The following HECW1 variants were observed in gnomAD, a reference collection of about 807,000 sequenced individuals.
The protein encoded by HECW1 is E3 ubiquitin-protein ligase HECW1.
A neutral mutation model predicts 182.3 loss-of-function variants in HECW1; 61 were observed. The ratio of observed to expected loss-of-function variants is 0.33; its 90% CI spans 0.27 to 0.41. The LOEUF (loss-of-function observed/expected upper bound fraction) is 0.41, where lower values mean the gene tolerates loss of function less well. Among genes scored for constraint, HECW1 ranks in the 10% least tolerant of loss-of-function variants. The pLI is 1.00. For synonymous variants in HECW1, 859 were observed against 832.6 expected, an observed-to-expected ratio of 1.03 and a Z score of -0.55; for missense variants, 1,739 against 2,108.9, an observed-to-expected ratio of 0.82 and a Z score of 3.44.
At chr7:43,553,421 T>A (rs1416936734) in intron 28 of HECW1, among the ~76,000 whole-genome samples, 1 of 152,160 alleles carries the variant, frequency 6.6e-6, no homozygotes, top group East Asian at 1.9e-4. Context: ...CTCATGCCTG[T>A]AATCCCAGCA....
At chr7:43,182,074 G>A (rs189313035) in intron 2 of HECW1, among the ~76,000 whole-genome samples, 12 of 152,238 alleles carry the variant, frequency 7.9e-5, no homozygotes, top group East Asian at 5.8e-4. Context: ...GTGAGCCACC[G>A]CGCCAGGCCT....
At chr7:43,490,229 A>AT (rs1331834740) in intron 17 of HECW1, among the ~76,000 whole-genome samples, 2 of 152,164 alleles carry the variant, frequency 1.3e-5, no homozygotes, top group South Asian at 2.1e-4. Flanking sequence ...TGGCTAACTG[A>AT]TCAGACCATG....
At chr7:43,297,028 A>G (rs954880520) in intron 3 of HECW1, among the ~76,000 whole-genome samples, 1 of 152,222 alleles carries the variant, frequency 6.6e-6, no homozygotes, top group Non-Finnish European at 1.5e-5. Flanking sequence ...GCTTGGTAAA[A>G]TATAGCTGCC....
At chr7:43,268,467 G>GGAGACATGTTTCATTGTCAT (rs758504055) in intron 3 of HECW1, among the ~76,000 whole-genome samples, 43 of 152,350 alleles carry the variant, frequency 2.8e-4, no homozygotes, top group Non-Finnish European at 4.0e-4. Flanking sequence ...GGCAATGTCT[G>GGAGACATGTTTCATTGTCAT]GAGACATGTT....
chr7:43,176,868 C>A (rs1283083025), intron 2 of HECW1, among the ~76,000 whole-genome samples: 5 of 152,148 alleles, frequency 3.3e-5, no homozygotes, highest in African/African-American at 4.8e-5. Context: ...GTCTGAGTTT[C>A]TAGAAGTTTG....
At chr7:43,384,912 G>A (rs993155394) in intron 6 of HECW1, among the ~76,000 whole-genome samples, 1 of 152,026 alleles carries the variant, frequency 6.6e-6, no homozygotes, top group Non-Finnish European at 1.5e-5. Context: ...TGGTTTAATC[G>A]CTATTTTAAA....
Position 43,444,536 on chromosome 7 carries a change from C to T in HECW1, c.1364C>T (p.Ala455Val). Residue 455 changes from alanine (A) to valine (V), a missense_variant, in exon 11 of 30, where the codon GCA becomes GTA. Ala to Val is a moderately conservative substitution (Grantham distance 64). This residue lies in a region of HECW1 where 971 missense variants were observed against 1,029.1 expected (regional missense o/e 0.94). Transcript: ENST00000395891. The surrounding 1 kb of genome is among the most constrained non-coding windows in gnomAD (Gnocchi z 4.3). The stretch of plus-strand genomic sequence containing the variant: ...AAGGACATCCAGCCTGCCCCCAGTG[C>T]AGAAGAGCTGGCCGAGCAGCTGGAC... ...VQKDIQPAPSAEELAEQLDLG... is the reference protein window; with the variant it reads ...VQKDIQPAPSVEELAEQLDLG... The T allele has an allele frequency of 6.2e-7, 1 of 1,611,322 alleles. No homozygotes were observed. Among genetic ancestry groups the T allele is most frequent in the Non-Finnish European group, 8.5e-7 (1 of 1,178,872 alleles).
intron 3 of HECW1, among the ~76,000 whole-genome samples, chr7:43,271,830 A>G (rs747920990): frequency 6.6e-6 from 1 of 152,106 alleles, no homozygotes; most frequent in Non-Finnish European, 1.5e-5. Flanking sequence ...GTCATTTTTT[A>G]CAGAATTGGA....
intron 5 of HECW1, among the ~76,000 whole-genome samples, chr7:43,338,308 T>C (rs2152798408): frequency 6.6e-6 from 1 of 152,318 alleles, no homozygotes; most frequent in African/African-American, 2.4e-5. Context: ...TGTGATGCCC[T>C]GTTTTCATAC....
At chr7:43,288,251 G>A (rs1034641738) in intron 3 of HECW1, among the ~76,000 whole-genome samples, 1 of 152,194 alleles carries the variant, frequency 6.6e-6, no homozygotes, top group African/African-American at 2.4e-5. Context: ...AAGGCTGTAG[G>A]TAGTAGAGTC....
chr7:43,493,331 G>A (rs900930140), intron 19 of HECW1, 151 bp downstream of exon 19: 48 of 561,104 alleles, frequency 8.6e-5, no homozygotes, highest in African/African-American at 5.3e-4. Flanking sequence ...TGAAGGGTTC[G>A]GGGTTCCTGT....
intron 2 of HECW1, among the ~76,000 whole-genome samples, chr7:43,131,847 A>G (rs1786957149): frequency 6.6e-6 from 1 of 152,192 alleles, no homozygotes; most frequent in Non-Finnish European, 1.5e-5. Context: ...CCTGATCAGG[A>G]GGGACATTTT....
At chr7:43,118,734 G>A (rs944403607) in intron 2 of HECW1, among the ~76,000 whole-genome samples, 3 of 151,984 alleles carry the variant, frequency 2.0e-5, no homozygotes, top group Admixed American at 6.6e-5. Flanking sequence ...AAAAAAAATC[G>A]TTTTGAGGAT....
intron 5 of HECW1, among the ~76,000 whole-genome samples, chr7:43,357,911 A>G (rs1029815046): frequency 6.6e-6 from 1 of 152,204 alleles, no homozygotes; most frequent in Non-Finnish European, 1.5e-5. Flanking sequence ...AAAACTATAA[A>G]TGGAAGAAAC....
chr7:43,299,160 T>C (rs912241858), intron 3 of HECW1, among the ~76,000 whole-genome samples: 1 of 152,240 alleles, frequency 6.6e-6, no homozygotes, highest in African/African-American at 2.4e-5. Context: ...ATGATAATCA[T>C]CGGTTTGCCA....
intron 2 of HECW1, among the ~76,000 whole-genome samples, chr7:43,182,667 A>AT (rs528247843): frequency 6.6e-6 from 1 of 151,834 alleles, no homozygotes; most frequent in Non-Finnish European, 1.5e-5. Context: ...AAATTTTAGG[A>AT]TTTTTTTCTA....
At chr7:43,502,121 A>G (rs1219351401) in intron 21 of HECW1, among the ~76,000 whole-genome samples, 2 of 152,242 alleles carry the variant, frequency 1.3e-5, no homozygotes, top group African/African-American at 4.8e-5. Context: ...TTTCAAACGG[A>G]AGAGCCCTTT....
chr7:43,317,557 C>T (rs558481127), intron 4 of HECW1, among the ~76,000 whole-genome samples: 43 of 152,286 alleles, frequency 2.8e-4, no homozygotes, highest in African/African-American at 1.0e-3. Flanking sequence ...TGCAGCTGAC[C>T]CTGTCAATGC....
intron 3 of HECW1, among the ~76,000 whole-genome samples, chr7:43,263,523 G>A (rs1446483154): frequency 6.6e-6 from 1 of 152,104 alleles, no homozygotes; most frequent in East Asian, 1.9e-4. Context: ...ACTATGGCCG[G>A]CTAATTTTTA....
Sources: allele counts gnomAD v4.1 joint callset (sites outside exome capture counted in the v4.1 genomes callset), GRCh38; gene constraint gnomAD v4.1.1; regional missense constraint gnomAD v4.1.1; non-coding constraint Gnocchi (gnomAD v3.1); transcripts MANE v1.5; gene names NCBI Gene and HGNC (gene_info 2026-07-23, HGNC 2026-07-21).